Variants in PDE4D observed in about 807,000 individuals in gnomAD.
PDE4D encodes the protein phosphodiesterase 4D.
In PDE4D, 24 loss-of-function variants were observed where a neutral mutation model predicts 87.4. That is an observed-to-expected ratio of 0.27 (90% CI 0.20 to 0.39). The LOEUF is 0.39. PDE4D is among the 10% of genes least tolerant of loss of function. The pLI is 1.00. For missense variants in PDE4D, 714 were observed against 1,041.0 expected (o/e 0.69, Z 4.32); for synonymous variants, 384 against 383.2 (o/e 1.00, Z -0.02).
chr5:59,300,387 A>G (rs1001795662), intron 1 of PDE4D, among the ~76,000 whole-genome samples: 9 of 152,140 alleles, frequency 5.9e-5, no homozygotes, highest in Non-Finnish European at 1.0e-4. Flanking sequence ...GTGTGTGTGT[A>G]CCTGACTTAT....
intron 1 of PDE4D, chr5:60,459,849 G>T: frequency 1.6e-6 from 1 of 608,312 alleles, no homozygotes; most frequent in Non-Finnish European, 3.0e-6. Context: ...CAGTGTTCTA[G>T]TAATCTTTTC....
intron 1 of PDE4D, among the ~76,000 whole-genome samples, chr5:59,488,055 C>CT (rs879551266): frequency 6.6e-6 from 1 of 151,614 alleles, no homozygotes; most frequent in Non-Finnish European, 1.5e-5. Flanking sequence ...CCAGAGCTGA[C>CT]TACTAAGGCT....
chr5:60,521,594 C>G (rs1751040948), intron 1 of PDE4D: 1 of 151,686 alleles, frequency 6.6e-6, no homozygotes, highest in South Asian at 2.1e-4. Context: ...AGGGGGATAA[C>G]AATATCAGCT....
chr5:60,318,243 CTTCT>C (rs1343149228), intron 1 of PDE4D, among the ~76,000 whole-genome samples: 1 of 152,150 alleles, frequency 6.6e-6, no homozygotes, highest in Admixed American at 6.5e-5. Flanking sequence ...ATGTAATGGG[CTTCT>C]TTGTCTCTTT....
intron 1 of PDE4D, among the ~76,000 whole-genome samples, chr5:60,205,554 T>A (rs551452704): frequency 5.3e-5 from 8 of 152,078 alleles, no homozygotes; most frequent in Non-Finnish European, 7.4e-5. Flanking sequence ...AGAATGTGGA[T>A]CCTCCCCAAC....
At chr5:59,660,705 A>G (rs1745099504) in intron 1 of PDE4D, among the ~76,000 whole-genome samples, 1 of 152,158 alleles carries the variant, frequency 6.6e-6, no homozygotes, top group Non-Finnish European at 1.5e-5. Context: ...CTACTTTACA[A>G]TTTTGACCTG....
chr5:59,461,076 C>T (rs559095220), intron 1 of PDE4D, among the ~76,000 whole-genome samples: 34 of 152,236 alleles, frequency 2.2e-4, no homozygotes, highest in Middle Eastern at 3.4e-3. Context: ...CCATTATGGG[C>T]TACTTTCAAA....
intron 1 of PDE4D, among the ~76,000 whole-genome samples, chr5:59,224,694 G>T (rs1305772787): frequency 6.6e-6 from 1 of 152,138 alleles, no homozygotes; most frequent in African/African-American, 2.4e-5. Flanking sequence ...GTTTCCCCTA[G>T]AATTCATATG....
intron 1 of PDE4D, among the ~76,000 whole-genome samples, chr5:60,354,911 C>T (rs1759492735): frequency 6.6e-6 from 1 of 152,164 alleles, no homozygotes; most frequent in Non-Finnish European, 1.5e-5. Flanking sequence ...AGAATCCACT[C>T]TCCAATATAA....
At chr5:59,408,905 G>T (rs1158050805) in intron 1 of PDE4D, among the ~76,000 whole-genome samples, 1 of 152,094 alleles carries the variant, frequency 6.6e-6, no homozygotes, top group Non-Finnish European at 1.5e-5. Context: ...CCAGCACTTT[G>T]GGCGGCTGAG....
At chr5:59,078,509 CTT>C (rs542270740) in intron 5 of PDE4D, among the ~76,000 whole-genome samples, 99 of 135,654 alleles carry the variant, frequency 7.3e-4, no homozygotes, top group Middle Eastern at 3.7e-3. Flanking sequence ...AGGTAGGACT[CTT>C]TTTTTTTTTT....
chr5:60,039,232 A>T (rs1408596377), intron 2 of PDE4D, among the ~76,000 whole-genome samples: 1 of 152,204 alleles, frequency 6.6e-6, no homozygotes, highest in Non-Finnish European at 1.5e-5. Context: ...TGTGGCACAT[A>T]TACACCATGC....
intron 1 of PDE4D, among the ~76,000 whole-genome samples, chr5:59,270,993 A>T (rs1160640415): frequency 1.3e-5 from 2 of 152,186 alleles, no homozygotes; most frequent in African/African-American, 2.4e-5. Context: ...GAGCTCTTTC[A>T]TAAGACACTC....
At chr5:60,017,276 A>T (rs1765617931) in intron 2 of PDE4D, among the ~76,000 whole-genome samples, 1 of 152,188 alleles carries the variant, frequency 6.6e-6, no homozygotes, top group Non-Finnish European at 1.5e-5. Context: ...CAAAGAGAGT[A>T]GATTTAGCAT....
At chr5:60,169,681 C>G (rs1048641332) in intron 2 of PDE4D, among the ~76,000 whole-genome samples, 6 of 151,830 alleles carry the variant, frequency 4.0e-5, no homozygotes, top group African/African-American at 1.5e-4. Context: ...TCATTAAGTC[C>G]CCATTAGTTA....
chr5:60,209,159 C>G (rs1019372062), intron 1 of PDE4D, among the ~76,000 whole-genome samples: 2 of 150,972 alleles, frequency 1.3e-5, no homozygotes, highest in African/African-American at 4.9e-5. Context: ...TCCTGCTTGT[C>G]CCCAAGGAAA....
chr5:60,057,330 T>C (rs1582426266), intron 2 of PDE4D, among the ~76,000 whole-genome samples: 1 of 152,066 alleles, frequency 6.6e-6, no homozygotes, highest in Non-Finnish European at 1.5e-5. Context: ...TATCTTTACA[T>C]GCAGCCTTCT....
At chr5:59,781,524 A>C (rs141468213) in intron 1 of PDE4D, among the ~76,000 whole-genome samples, 2,013 of 152,190 alleles carry the variant, frequency 0.013, 50 homozygotes, top group African/African-American at 0.046. Context: ...GCAGTGGCTC[A>C]TGCTTGTAAT....
chr5:60,485,027 T>A (rs1749026654), intron 1 of PDE4D, among the ~76,000 whole-genome samples: 1 of 152,158 alleles, frequency 6.6e-6, no homozygotes, highest in Non-Finnish European at 1.5e-5. Context: ...TTCACCAAAA[T>A]GTTCTGCTTC....
Sources: gnomAD v4.1 joint callset for allele counts (sites outside exome capture counted in the v4.1 genomes callset) on GRCh38, gnomAD v4.1.1 for gene constraint, MANE v1.5 for transcripts, NCBI Gene and HGNC (gene_info 2026-07-23, HGNC 2026-07-21) for gene names.